Variants in LAD1 observed in about 807,000 individuals in gnomAD.
LAD1 encodes the protein ladinin-1.
Under a neutral mutation model 54.2 loss-of-function variants are expected in LAD1, and 53 were observed. The observed-to-expected ratio is 0.98, with a 90% confidence interval of 0.78 to 1.23. LAD1 has a LOEUF of 1.23. Ranked by LOEUF, LAD1 falls within the 50% of genes most tolerant of loss-of-function variation. The pLI is 0.00. For synonymous variants in LAD1, 231 were observed against 257.7 expected, an observed-to-expected ratio of 0.90 and a Z score of 0.99; for missense variants, 637 against 653.3, an observed-to-expected ratio of 0.98 and a Z score of 0.27.
chr1:201,387,921 G>A (rs1321676956), intron 2 of LAD1, among the ~76,000 whole-genome samples: 1 of 152,192 alleles, frequency 6.6e-6, no homozygotes, highest in Non-Finnish European at 1.5e-5. Context: ...TTAACTTACT[G>A]TCGGAGCCTC....
intron 2 of LAD1, among the ~76,000 whole-genome samples, chr1:201,388,696 A>AG (rs1553292174): frequency 2.0e-3 from 299 of 151,916 alleles, no homozygotes; most frequent in Non-Finnish European, 3.3e-3. Flanking sequence ...AAAAAAAAAA[A>AG]AAGAAGTAAA....
intron 2 of LAD1, among the ~76,000 whole-genome samples, chr1:201,387,416 T>A (rs2102357116): frequency 6.6e-6 from 1 of 152,318 alleles, no homozygotes; most frequent in Non-Finnish European, 1.5e-5. Flanking sequence ...GTCCAACGAC[T>A]CCATGTTCAG....
chr1:201,391,358 C>T (rs548199908), intron 1 of LAD1, among the ~76,000 whole-genome samples: 6 of 152,224 alleles, frequency 3.9e-5, no homozygotes, highest in Non-Finnish European at 8.8e-5. Flanking sequence ...CTCGCCCACA[C>T]ATCCATGTAC....
At chr1:201,382,791 G>C in intron 7 of LAD1, 52 bp from the exon 8 acceptor site, 1 of 1,410,374 alleles carries the variant, frequency 7.1e-7, no homozygotes, top group Non-Finnish European at 9.8e-7. Context: ...CAGCAGCGAG[G>C]CATGTTCAGA....
intron 4 of LAD1, among the ~76,000 whole-genome samples, chr1:201,385,362 C>G (rs1193269452): frequency 6.6e-6 from 1 of 152,218 alleles, no homozygotes; most frequent in East Asian, 1.9e-4. Context: ...CCCCTCCCCT[C>G]CTAGACAAGT....
chr1:201,385,576 ATCCAAAGC>A, intron 4 of LAD1, 117 bp downstream of exon 4: 1 of 762,428 alleles, frequency 1.3e-6, no homozygotes, highest in Admixed American at 1.8e-5. Context: ...ACCCATGGGA[ATCCAAAGC>A]TCCTCTCTAT....
At chr1:201,392,855 C>G (rs568050980) in intron 1 of LAD1, among the ~76,000 whole-genome samples, 55 of 150,654 alleles carry the variant, frequency 3.7e-4, no homozygotes, top group African/African-American at 1.2e-3. Flanking sequence ...AAGGCACCTG[C>G]AATCCCATAG....
intron 1 of LAD1, among the ~76,000 whole-genome samples, chr1:201,394,255 G>C (rs1289179676): frequency 6.6e-6 from 1 of 152,172 alleles, no homozygotes; most frequent in Non-Finnish European, 1.5e-5. Context: ...GCGCACAAAG[G>C]GGGAACAAAG....
chr1:201,389,656 C>T (rs887289328), intron 1 of LAD1, among the ~76,000 whole-genome samples: 12 of 129,048 alleles, frequency 9.3e-5, no homozygotes, highest in Admixed American at 8.6e-4. Flanking sequence ...TACAAAAATA[C>T]AAAAAAAAAA....
chr1:201,392,308 G>T (rs1662209548), intron 1 of LAD1, among the ~76,000 whole-genome samples: 1 of 152,250 alleles, frequency 6.6e-6, no homozygotes, highest in Non-Finnish European at 1.5e-5. Flanking sequence ...GCTGGGAACA[G>T]CTGGGAATGA....
chr1:201,383,149 A>G lies in LAD1; in HGVS notation c.1311T>C (p.Gly437=), dbSNP rs749341810. 1 of 1,613,964 alleles carries G rather than the reference A, an allele frequency of 6.2e-7. No homozygotes were observed. The stretch of plus-strand genomic sequence containing the variant: ...CAAAGAGGTGGCGCTTGCTGGCTAC[A>G]CCCACAGGAGCCACGAATAACTCAG... ...PCTELFVAPV[G]VASKRHLFEK... The change falls in exon 7 of 10, where the codon GGT becomes GGC. Residue 437 remains glycine (G), a synonymous_variant. Transcript: ENST00000391967.
At chr1:201,391,121 G>A (rs1156937249) in intron 1 of LAD1, 1 of 456,566 alleles carries the variant, frequency 2.2e-6, no homozygotes. Flanking sequence ...ACTTCCCAGG[G>A]GCTCTTGGAG....
rs1457540001 is a variant in LAD1, at chr1:201,383,116, T to C, written c.1344A>G (p.Glu448=). The C allele has an allele frequency of 1.2e-6, 2 of 1,613,942 alleles. No individual in the cohort carries two copies. The highest frequency in any genetic ancestry group is 2.2e-5 in the South Asian group (2 of 91,070). ...GTTCTGCTCGGCTCTGGCCCGCCAG[T>C]TCCTTCTCAAAGAGGTGGCGCTTGC... The part of the protein sequence containing the change: ...VASKRHLFEK[E]LAGQSRAEPA... The change falls in exon 7 of 10, where the codon GAA becomes GAG. Residue 448 remains glutamate, a synonymous_variant. Coordinates refer to ENST00000391967, the MANE Select transcript of LAD1 (RefSeq NM_005558.4).
rs1166269284 is a variant in LAD1, at chr1:201,381,836, T to C, written c.*52A>G. Reference sequence around the variant, plus strand: ...TGCTGTGAGAGGCAGGGGCCTGGCATGAGGGAGGTCCCTTGAGACGAAGAC... The same window carrying C: ...TGCTGTGAGAGGCAGGGGCCTGGCACGAGGGAGGTCCCTTGAGACGAAGAC... On this transcript the variant is annotated 3_prime_UTR_variant, in exon 10 of 10. Transcript: ENST00000391967. 4.4e-6 allele frequency: 7 copies of C among 1,594,202 alleles called. No individual in the cohort carries two copies. In the East Asian group the frequency reaches 1.3e-4, roughly 31 times the overall value.
intron 1 of LAD1, among the ~76,000 whole-genome samples, chr1:201,389,506 G>A (rs1156769230): frequency 6.6e-6 from 1 of 152,192 alleles, no homozygotes; most frequent in African/African-American, 2.4e-5. Context: ...ACCAGTGAAA[G>A]GTCTCATTAA....
intron 1 of LAD1, among the ~76,000 whole-genome samples, chr1:201,390,646 A>T (rs771513873): frequency 6.6e-6 from 1 of 152,202 alleles, no homozygotes; most frequent in African/African-American, 2.4e-5. Context: ...CACTGTTGAC[A>T]CTTTGGCCAG....
At position 201,386,655 on chromosome 1, in the gene LAD1, T is replaced by G. The variant is rs1487917678; in HGVS notation, c.706A>C (p.Thr236Pro). 1 of 1,613,952 alleles carries G rather than the reference T, an allele frequency of 6.2e-7. No homozygotes were observed. The highest frequency in any genetic ancestry group is 2.2e-5 in the East Asian group (1 of 44,898). Residue 236 changes from threonine (T) to proline (P), a missense_variant, in exon 3 of 10, where the codon ACC becomes CCC. Thr to Pro is a conservative substitution (Grantham distance 38). Transcript: ENST00000391967. ...SSEKKSVLEK[T>P]SVSEKSLAPG... ...GCCAGCGACTTCTCAGAGACACTGGTTTTTTCTAGAACAGACTTCTTCTCT... is the reference window on the plus strand; with the variant it reads ...GCCAGCGACTTCTCAGAGACACTGGGTTTTTCTAGAACAGACTTCTTCTCT...
At chr1:201,395,134 G>T (rs1201171177) in intron 1 of LAD1, among the ~76,000 whole-genome samples, 1 of 152,154 alleles carries the variant, frequency 6.6e-6, no homozygotes, top group Non-Finnish European at 1.5e-5. Flanking sequence ...GAATCATGGG[G>T]CTGCCTTCAA....
chr1:201,395,195 G>A (rs775344177), intron 1 of LAD1, among the ~76,000 whole-genome samples: 1 of 152,154 alleles, frequency 6.6e-6, no homozygotes, highest in Non-Finnish European at 1.5e-5. Context: ...ACCCCACCCT[G>A]GGGAGAAATG....
Sources: gnomAD v4.1 joint callset for allele counts (sites outside exome capture counted in the v4.1 genomes callset) on GRCh38, gnomAD v4.1.1 for gene constraint, MANE v1.5 for transcripts, NCBI Gene and HGNC (gene_info 2026-07-23, HGNC 2026-07-21) for gene names.